The following NRG3 variants were observed in gnomAD, a reference collection of about 807,000 sequenced individuals.
NRG3 encodes the protein neuregulin 3, also known as pro-neuregulin-3, membrane-bound isoform.
NRG3 carries 31 observed loss-of-function variants against 66.9 expected under a neutral mutation model. That is an observed-to-expected ratio of 0.46 (90% CI 0.35 to 0.63). NRG3 has a LOEUF of 0.63. Among genes scored for constraint, NRG3 ranks in the 20% least tolerant of loss-of-function variants. The pLI is 0.00. For missense variants in NRG3, 910 were observed against 878.9 expected, an observed-to-expected ratio of 1.04 and a Z score of -0.45; for synonymous variants, 393 against 359.4, an observed-to-expected ratio of 1.09 and a Z score of -1.06.
At chr10:82,913,530 C>A (rs1355969909) in intron 4 of NRG3, among the ~76,000 whole-genome samples, 1 of 152,078 alleles carries the variant, frequency 6.6e-6, no homozygotes, top group Non-Finnish European at 1.5e-5. Flanking sequence ...GAAGGAATTT[C>A]TCCTTTACTT....
At chr10:82,166,847 A>T (rs1487863964) in intron 1 of NRG3, 7 of 654,414 alleles carry the variant, frequency 1.1e-5, no homozygotes, top group African/African-American at 7.2e-5. Context: ...AACAGTCTTT[A>T]TTTATCTTCA....
intron 6 of NRG3, among the ~76,000 whole-genome samples, chr10:82,962,198 A>C (rs545444784): frequency 6.6e-6 from 1 of 152,334 alleles, no homozygotes; most frequent in East Asian, 1.9e-4. Context: ...TTTTAAAAAC[A>C]AATAAAGCAT....
At chr10:82,726,430 G>T (rs903701) in intron 2 of NRG3, among the ~76,000 whole-genome samples, 6 of 151,846 alleles carry the variant, frequency 4.0e-5, no homozygotes, top group Admixed American at 3.3e-4. Flanking sequence ...AGTCTTTCCC[G>T]TGCGGTTCTC....
intron 1 of NRG3, among the ~76,000 whole-genome samples, chr10:82,029,692 A>G (rs963138048): frequency 6.6e-6 from 1 of 152,124 alleles, no homozygotes; most frequent in African/African-American, 2.4e-5. Flanking sequence ...GATGGACTTC[A>G]TTGAGAATGT....
At chr10:82,377,594 G>A (rs961707335) in intron 2 of NRG3, among the ~76,000 whole-genome samples, 3 of 152,180 alleles carry the variant, frequency 2.0e-5, no homozygotes, top group Non-Finnish European at 2.9e-5. Flanking sequence ...ACTTGTTTGA[G>A]AAGAGCAGTG....
chr10:82,586,006 C>T (rs2046647254), intron 2 of NRG3, among the ~76,000 whole-genome samples: 1 of 152,014 alleles, frequency 6.6e-6, no homozygotes, highest in African/African-American at 2.4e-5. Context: ...TAAGTGATTT[C>T]TAAAGTGACT....
At chr10:82,665,923 G>A (rs550439872) in intron 2 of NRG3, among the ~76,000 whole-genome samples, 11 of 152,030 alleles carry the variant, frequency 7.2e-5, no homozygotes, top group Admixed American at 1.3e-4. Flanking sequence ...GTACAGTGGC[G>A]CGATCTCGGC....
At position 82,142,417 on chromosome 10, in the gene NRG3, T is replaced by A. The variant is rs565014793; in HGVS notation, c.824-216322T>A. 2.6e-5 allele frequency among the ~76,000 whole-genome samples: 4 copies of A among 152,064 alleles called. No homozygotes were observed. In the South Asian group the frequency reaches 8.3e-4, roughly 32 times the overall value. On this transcript the variant is annotated intron_variant, in intron 1 of 8. Coordinates refer to ENST00000372141, the MANE Select transcript of NRG3 (RefSeq NM_001010848.4). ...GAAGTAGTCCTGAGGGATCCTGGGG[T>A]CAAAATGTGGTTGTGAAACCCAGAG...
At chr10:82,574,525 A>C (rs1379893206) in intron 2 of NRG3, among the ~76,000 whole-genome samples, 1 of 151,804 alleles carries the variant, frequency 6.6e-6, no homozygotes, top group Non-Finnish European at 1.5e-5. Context: ...AGCTAGAAGA[A>C]AAGATTTGAA....
intron 1 of NRG3, among the ~76,000 whole-genome samples, chr10:82,294,932 C>T (rs1340683807): frequency 3.9e-5 from 6 of 151,996 alleles, no homozygotes; most frequent in Admixed American, 3.9e-4. Context: ...AAGTTATAGC[C>T]CTGCATTACT....
At chr10:81,991,325 A>G (rs2060731584) in intron 1 of NRG3, among the ~76,000 whole-genome samples, 1 of 152,208 alleles carries the variant, frequency 6.6e-6, no homozygotes, top group African/African-American at 2.4e-5. Flanking sequence ...GAGAAAGATT[A>G]CATGATATAA....
At chr10:82,982,964 C>G (rs1853077301) in intron 8 of NRG3, among the ~76,000 whole-genome samples, 2 of 152,152 alleles carry the variant, frequency 1.3e-5, no homozygotes, top group Non-Finnish European at 2.9e-5. Flanking sequence ...TGAGAAGAAC[C>G]CTCAAAGTTT....
chr10:82,861,576 C>G (rs1337199550), intron 3 of NRG3, among the ~76,000 whole-genome samples: 1 of 152,168 alleles, frequency 6.6e-6, no homozygotes, highest in Non-Finnish European at 1.5e-5. Flanking sequence ...TCTACAGATT[C>G]ACAAAGCCCG....
At chr10:82,909,523 A>C (rs2131957794) in intron 4 of NRG3, among the ~76,000 whole-genome samples, 1 of 152,268 alleles carries the variant, frequency 6.6e-6, no homozygotes, top group South Asian at 2.1e-4. Context: ...AAGACCCTCC[A>C]AGTACCATTC....
intron 1 of NRG3, among the ~76,000 whole-genome samples, chr10:82,288,512 C>T (rs547143341): frequency 6.6e-5 from 10 of 152,202 alleles, no homozygotes; most frequent in African/African-American, 2.4e-4. Context: ...TGAACATGGG[C>T]CAGGATGCTG....
intron 4 of NRG3, 85 bp downstream of exon 4, chr10:82,865,522 A>T (rs371756880): frequency 3.7e-6 from 5 of 1,356,090 alleles, no homozygotes; most frequent in Non-Finnish European, 4.1e-6. Context: ...CCATCTGGTT[A>T]TAATTGAAAT....
chr10:82,193,250 C>A (rs922406316), intron 1 of NRG3, among the ~76,000 whole-genome samples: 12 of 152,150 alleles, frequency 7.9e-5, no homozygotes, highest in African/African-American at 1.4e-4. Flanking sequence ...TCAAGCGATT[C>A]TCCTCCCTCA....
intron 1 of NRG3, among the ~76,000 whole-genome samples, chr10:82,070,748 T>C (rs112388551): frequency 2.4e-4 from 37 of 152,342 alleles, no homozygotes; most frequent in African/African-American, 8.9e-4. Flanking sequence ...TTTAAAAACA[T>C]TTCAATCTTG....
intron 1 of NRG3, among the ~76,000 whole-genome samples, chr10:82,184,143 T>A (rs1043511973): frequency 2.6e-5 from 4 of 152,120 alleles, no homozygotes; most frequent in Non-Finnish European, 5.9e-5. Flanking sequence ...ATAGGAAATA[T>A]CTGGTGTCAA....
Sources: allele counts gnomAD v4.1 joint callset (sites outside exome capture counted in the v4.1 genomes callset), GRCh38; gene constraint gnomAD v4.1.1; transcripts MANE v1.5; gene names NCBI Gene and HGNC (gene_info 2026-07-23, HGNC 2026-07-21).